The following ZFHX3 variants were observed in gnomAD, a reference collection of about 807,000 sequenced individuals.
The protein encoded by ZFHX3 is zinc finger homeobox protein 3.
ZFHX3 carries 42 observed loss-of-function variants against 279.1 expected under a neutral mutation model. The ratio of observed to expected loss-of-function variants is 0.15; its 90% CI spans 0.12 to 0.19. The LOEUF (loss-of-function observed/expected upper bound fraction) is 0.19. ZFHX3 is among the 10% of genes least tolerant of loss of function. The pLI, the probability that ZFHX3 is intolerant of heterozygous loss-of-function variation, is 1.00. For missense variants in ZFHX3, 4,981 were observed against 4,754.0 expected (o/e 1.05, Z -1.40); for synonymous variants, 2,293 against 1,957.8 (o/e 1.17, Z -4.52).
Position 73,512,951 on chromosome 16 carries a change from C to T in ZFHX3, c.-1546-56693G>A, listed in dbSNP as rs1358484707. 2.0e-5 allele frequency among the ~76,000 whole-genome samples: 3 copies of T among 152,140 alleles called. No homozygotes were observed. The East Asian group carries it at 5.8e-4, about 29-fold the overall frequency. ...CTGTGTGAAACCCATCGGTGGCTGA[C>T]CTCTGTAGATCAGGGTGGACAAATG... On this transcript the variant is annotated intron_variant, in intron 2 of 17. Coordinates refer to the ZFHX3 transcript ENST00000641206.
intron 1 of ZFHX3, among the ~76,000 whole-genome samples, chr16:73,019,623 A>G (rs539877723): frequency 6.6e-6 from 1 of 152,252 alleles, no homozygotes; most frequent in South Asian, 2.1e-4. Context: ...CCTGAGATGC[A>G]CAGACTGTCT....
At chr16:73,833,357 TA>T (rs1179791911) in intron 1 of ZFHX3, among the ~76,000 whole-genome samples, 15 of 152,048 alleles carry the variant, frequency 9.9e-5, no homozygotes, top group Non-Finnish European at 1.5e-5. Context: ...GACCCCAGCT[TA>T]AAAAAATTAT....
intron 2 of ZFHX3, among the ~76,000 whole-genome samples, chr16:73,615,285 T>A (rs1181018693): frequency 6.6e-6 from 1 of 151,834 alleles, no homozygotes; most frequent in Non-Finnish European, 1.5e-5. Flanking sequence ...AGAACTAGAA[T>A]AGCCAGAGAT....
chr16:73,329,626 G>A (rs2015761714), intron 3 of ZFHX3, among the ~76,000 whole-genome samples: 1 of 152,166 alleles, frequency 6.6e-6, no homozygotes, highest in African/African-American at 2.4e-5. Flanking sequence ...GCATAAGCAA[G>A]CCAGGCCACA....
intron 3 of ZFHX3, among the ~76,000 whole-genome samples, chr16:72,896,359 G>A (rs771748121): frequency 1.2e-4 from 18 of 152,084 alleles, no homozygotes; most frequent in African/African-American, 1.7e-4. Flanking sequence ...AACATCTCAC[G>A]GCCCCCATCT....
chr16:73,328,273 C>T (rs1309036393), intron 3 of ZFHX3, among the ~76,000 whole-genome samples: 1 of 151,972 alleles, frequency 6.6e-6, no homozygotes, highest in Non-Finnish European at 1.5e-5. Flanking sequence ...CACAGTCATC[C>T]ATTTTAAAGG....
intron 3 of ZFHX3, among the ~76,000 whole-genome samples, chr16:73,393,611 A>G (rs1045009833): frequency 1.3e-5 from 2 of 152,180 alleles, no homozygotes; most frequent in Non-Finnish European, 2.9e-5. Flanking sequence ...TCTCACGTGA[A>G]TCTTCCTTCT....
chr16:73,253,497 G>C (rs1241093746), intron 5 of ZFHX3, among the ~76,000 whole-genome samples: 2 of 150,824 alleles, frequency 1.3e-5, no homozygotes, highest in Admixed American at 6.6e-5. Flanking sequence ...TGTCACCCAG[G>C]CTGGAGTGCA....
chr16:73,181,383 C>T (rs919346191), intron 5 of ZFHX3, among the ~76,000 whole-genome samples: 2 of 152,182 alleles, frequency 1.3e-5, no homozygotes, highest in Admixed American at 6.5e-5. Flanking sequence ...AGCCACCATG[C>T]CCAGCCAGCT....
intron 2 of ZFHX3, among the ~76,000 whole-genome samples, chr16:73,642,778 C>T (rs13335667): frequency 0.038 from 5,785 of 152,204 alleles, 389 homozygotes; most frequent in African/African-American, 0.13. Flanking sequence ...CATGAAATAA[C>T]AGGCTGACAT....
rs960858054 is a variant in ZFHX3 at position 72,793,594 on chromosome 16, C to T, written c.9088G>A (p.Gly3030Ser). 1.9e-6 allele frequency: 3 copies of T among 1,614,168 alleles called. No homozygotes were observed. The East Asian group carries it at 6.7e-5, about 36-fold the overall frequency. ...EGPKTECTLC[G>S]IKYSARLSVR... Reference sequence around the variant, plus strand: ...GACAGCCGAGCGCTGTACTTGATGCCACACAAAGTGCACTCTGTTTTGGGT... The same window carrying T: ...GACAGCCGAGCGCTGTACTTGATGCTACACAAAGTGCACTCTGTTTTGGGT... Residue 3030 changes from glycine (G) to serine (S), a missense_variant, in exon 9 of 10, where the codon GGC becomes AGC. Around this residue, in one of 7 missense-constraint regions of ZFHX3, gnomAD observed 168 missense variants for 249.1 expected, o/e 0.67. Transcript: ENST00000268489. The surrounding 1 kb of genome is among the most constrained non-coding windows in gnomAD (Gnocchi z 4.3).
chr16:72,965,164 C>G (rs1432139765), intron 1 of ZFHX3, among the ~76,000 whole-genome samples: 1 of 152,218 alleles, frequency 6.6e-6, no homozygotes. Flanking sequence ...CAGGCGTGAG[C>G]CACCGCACCT....
chr16:73,444,064 C>T (rs989646017), intron 3 of ZFHX3, among the ~76,000 whole-genome samples: 23 of 152,194 alleles, frequency 1.5e-4, no homozygotes, highest in African/African-American at 5.3e-4. Context: ...CCAAGTCCTT[C>T]GCTTTCTCTT....
At chr16:73,509,982 C>T (rs1190300934) in intron 2 of ZFHX3, among the ~76,000 whole-genome samples, 1 of 152,198 alleles carries the variant, frequency 6.6e-6, no homozygotes, top group Non-Finnish European at 1.5e-5. Flanking sequence ...AGGCATGAGC[C>T]ATCACGCCCG....
At chr16:73,406,401 C>T (rs2017361565) in intron 3 of ZFHX3, among the ~76,000 whole-genome samples, 1 of 152,202 alleles carries the variant, frequency 6.6e-6, no homozygotes, top group African/African-American at 2.4e-5. Context: ...GGGTACCTTT[C>T]TGAAACTGAA....
chr16:73,053,199 A>AG (rs1461717022), intron 1 of ZFHX3, among the ~76,000 whole-genome samples: 2 of 150,910 alleles, frequency 1.3e-5, no homozygotes, highest in Middle Eastern at 3.4e-3. Context: ...TCTTTTTTGG[A>AG]GGGGGGTTCC....
intron 1 of ZFHX3, among the ~76,000 whole-genome samples, chr16:73,022,391 G>C (rs894998095): frequency 1.3e-5 from 2 of 152,114 alleles, no homozygotes; most frequent in South Asian, 4.1e-4. Context: ...GCAGGCCCCT[G>C]GTCAGCAGAA....
In ZFHX3 at chr16:72,793,148, A is replaced by G; in HGVS notation, c.9427+107T>C. The G allele has an allele frequency of 6.7e-7, 1 of 1,502,752 alleles. No individual in the cohort carries two copies. The highest frequency in any genetic ancestry group is 2.3e-5 in the Admixed American group (1 of 43,978). 93.1% of individuals were successfully genotyped at this position (1,502,752 alleles called of 1,614,324 possible). A position where few individuals can be genotyped will look rare whatever the true frequency, so the allele number is the denominator to read the frequency against. ...TTGCTTTTAAAGAACTAGAAAGGTA[A>G]GCTTCCCATCTGCCCAGCACTCAGA... On this transcript the variant is annotated intron_variant, in intron 9 of 9. Transcript: ENST00000268489. The surrounding 1 kb of genome is among the most constrained non-coding windows in gnomAD (Gnocchi z 4.3).
chr16:73,555,156 C>T (rs1596995535), intron 2 of ZFHX3, among the ~76,000 whole-genome samples: 1 of 152,078 alleles, frequency 6.6e-6, no homozygotes, highest in African/African-American at 2.4e-5. Flanking sequence ...GAAGGCAGTT[C>T]GTATTTTATT....
Sources: allele counts gnomAD v4.1 joint callset (sites outside exome capture counted in the v4.1 genomes callset), GRCh38; gene constraint gnomAD v4.1.1; regional missense constraint gnomAD v4.1.1; non-coding constraint Gnocchi (gnomAD v3.1); transcripts MANE v1.5; gene names NCBI Gene and HGNC (gene_info 2026-07-23, HGNC 2026-07-21).